Variants in PLPPR1 observed in about 807,000 individuals in gnomAD.
PLPPR1 encodes phospholipid phosphatase-related protein type 1.
In PLPPR1, 10 loss-of-function variants were observed where a neutral mutation model predicts 33.1. The observed-to-expected ratio is 0.30, with a 90% confidence interval of 0.19 to 0.51. The LOEUF (loss-of-function observed/expected upper bound fraction) is 0.51. PLPPR1 is among the 20% of genes least tolerant of loss of function. The pLI, the probability that PLPPR1 is intolerant of heterozygous loss-of-function variation, is 0.97. For missense variants in PLPPR1, 304 were observed against 408.1 expected, an observed-to-expected ratio of 0.74 and a Z score of 2.20; for synonymous variants, 151 against 151.0, an observed-to-expected ratio of 1.00 and a Z score of 0.00.
intron 3 of PLPPR1, among the ~76,000 whole-genome samples, chr9:101,274,219 G>T (rs894351544): frequency 6.6e-6 from 1 of 152,118 alleles, no homozygotes; most frequent in African/African-American, 2.4e-5. Context: ...ATAAATGATG[G>T]TCACAAGAAT....
chr9:101,294,962 A>C (rs909022421), intron 4 of PLPPR1, among the ~76,000 whole-genome samples: 1 of 152,206 alleles, frequency 6.6e-6, no homozygotes, highest in East Asian at 1.9e-4. Context: ...GCAATTAGGC[A>C]GGAGAAGGAA....
At chr9:101,161,804 T>C (rs370472713) in intron 1 of PLPPR1, among the ~76,000 whole-genome samples, 44 of 152,272 alleles carry the variant, frequency 2.9e-4, no homozygotes, top group African/African-American at 9.4e-4. Context: ...TAAGCATAGG[T>C]TGGGTACTTG....
intron 2 of PLPPR1, among the ~76,000 whole-genome samples, chr9:101,250,050 T>G (rs1222067633): frequency 6.6e-6 from 1 of 152,060 alleles, no homozygotes; most frequent in Non-Finnish European, 1.5e-5. Context: ...AGGAAACACT[T>G]TACATGATAA....
At chr9:101,237,870 A>G (rs1827343953) in intron 2 of PLPPR1, among the ~76,000 whole-genome samples, 1 of 138,480 alleles carries the variant, frequency 7.2e-6, no homozygotes, top group South Asian at 2.2e-4. Flanking sequence ...ATATATATAC[A>G]CACACATATA....
intron 2 of PLPPR1, chr9:101,187,929 T>C (rs1002001795): frequency 6.6e-6 from 1 of 151,706 alleles, no homozygotes; most frequent in African/African-American, 2.4e-5. Context: ...GGGGCTTCTT[T>C]TCCCTACATG....
chr9:101,318,744 A>C (rs1829100702), intron 7 of PLPPR1, among the ~76,000 whole-genome samples: 1 of 151,714 alleles, frequency 6.6e-6, no homozygotes, highest in African/African-American at 2.4e-5. Flanking sequence ...ACTGCACTCT[A>C]GGCTGGGTGA....
At chr9:101,221,704 C>T (rs1324294097) in intron 2 of PLPPR1, among the ~76,000 whole-genome samples, 1 of 152,114 alleles carries the variant, frequency 6.6e-6, no homozygotes, top group Non-Finnish European at 1.5e-5. Flanking sequence ...ATACCACCTG[C>T]AGGAAGCAGT....
At chr9:101,092,028 G>A (rs551451703) in intron 1 of PLPPR1, among the ~76,000 whole-genome samples, 3 of 152,230 alleles carry the variant, frequency 2.0e-5, no homozygotes, top group South Asian at 4.1e-4. Flanking sequence ...ATCCCCAGCT[G>A]CTTCTCTTGA....
chr9:101,321,449 C>T (rs188221906), intron 7 of PLPPR1, among the ~76,000 whole-genome samples: 7 of 152,048 alleles, frequency 4.6e-5, no homozygotes, highest in African/African-American at 7.2e-5. Flanking sequence ...ATAGAGAAAC[C>T]AAAAAGTAAA....
At chr9:101,061,284 G>C (rs1398331410) in intron 1 of PLPPR1, among the ~76,000 whole-genome samples, 1 of 151,886 alleles carries the variant, frequency 6.6e-6, no homozygotes, top group Non-Finnish European at 1.5e-5. Context: ...TTTCTAGGCA[G>C]TGTGAGGTGT....
At chr9:101,305,305 T>A (rs924207245) in intron 4 of PLPPR1, among the ~76,000 whole-genome samples, 2 of 152,120 alleles carry the variant, frequency 1.3e-5, no homozygotes, top group Middle Eastern at 3.2e-3. Context: ...TTATCAACAG[T>A]GGACCCCTCT....
intron 1 of PLPPR1, among the ~76,000 whole-genome samples, chr9:101,152,659 C>T (rs1425615029): frequency 6.6e-6 from 1 of 152,150 alleles, no homozygotes; most frequent in African/African-American, 2.4e-5. Context: ...ATAGGGAATC[C>T]TTTCCCCATT....
At chr9:101,296,663 G>T (rs1434313237) in intron 4 of PLPPR1, among the ~76,000 whole-genome samples, 2 of 152,122 alleles carry the variant, frequency 1.3e-5, no homozygotes, top group African/African-American at 4.8e-5. Context: ...GGATGAAATT[G>T]GAAATCATCA....
At chr9:101,044,700 A>G (rs1353150196) in intron 1 of PLPPR1, among the ~76,000 whole-genome samples, 2 of 152,184 alleles carry the variant, frequency 1.3e-5, no homozygotes, top group Non-Finnish European at 2.9e-5. Context: ...TCATTTTTCA[A>G]TTGAAAACCA....
At chr9:101,050,050 G>C (rs937498580) in intron 1 of PLPPR1, among the ~76,000 whole-genome samples, 2 of 150,640 alleles carry the variant, frequency 1.3e-5, no homozygotes, top group African/African-American at 2.4e-5. Flanking sequence ...GCTTCAACCT[G>C]GGAGGCGGAG....
intron 2 of PLPPR1, among the ~76,000 whole-genome samples, chr9:101,258,415 C>G (rs2118876161): frequency 6.6e-6 from 1 of 152,278 alleles, no homozygotes; most frequent in African/African-American, 2.4e-5. Context: ...TCTCATCCCT[C>G]TGAGGGGCTT....
chr9:101,162,558 T>A (rs1825779021), intron 1 of PLPPR1, among the ~76,000 whole-genome samples: 1 of 152,150 alleles, frequency 6.6e-6, no homozygotes, highest in South Asian at 2.1e-4. Flanking sequence ...TGTAGCTATC[T>A]CTTCCTCCTT....
At chr9:101,253,408 G>A (rs1167353178) in intron 2 of PLPPR1, among the ~76,000 whole-genome samples, 1 of 151,978 alleles carries the variant, frequency 6.6e-6, no homozygotes, top group African/African-American at 2.4e-5. Flanking sequence ...TGAGCTGGGT[G>A]TGATGGCGTA....
intron 2 of PLPPR1, among the ~76,000 whole-genome samples, chr9:101,259,130 C>A (rs118103470): frequency 0.019 from 2,860 of 152,150 alleles, 47 homozygotes; most frequent in South Asian, 0.077. Flanking sequence ...CTATAAACAA[C>A]CACTGAGACA....
Sources: gnomAD v4.1 joint callset for allele counts (sites outside exome capture counted in the v4.1 genomes callset) on GRCh38, gnomAD v4.1.1 for gene constraint, MANE v1.5 for transcripts, NCBI Gene and HGNC (gene_info 2026-07-23, HGNC 2026-07-21) for gene names.